NEK7: variants seen among roughly 807,000 people sequenced by gnomAD.
NEK7 encodes serine/threonine-protein kinase Nek7.
A neutral mutation model predicts 44.6 loss-of-function variants in NEK7; 18 were observed. The ratio of observed to expected loss-of-function variants is 0.40; its 90% CI spans 0.28 to 0.60. The LOEUF is 0.60. Ranked by LOEUF, NEK7 falls within the 20% of genes least tolerant of loss-of-function variation. NEK7 has a pLI of 0.38. For missense variants in NEK7, 256 were observed against 366.5 expected (o/e 0.70, Z 2.46); for synonymous variants, 130 against 121.1 (o/e 1.07, Z -0.48).
intron 1 of NEK7, among the ~76,000 whole-genome samples, chr1:198,196,884 A>G (rs1665254362): frequency 6.6e-6 from 1 of 152,186 alleles, no homozygotes; most frequent in Admixed American, 6.5e-5. Flanking sequence ...TGGTCAGTCT[A>G]CAGAGTCTGC....
chr1:198,248,856 G>C (rs72731911), intron 2 of NEK7, among the ~76,000 whole-genome samples: 6,632 of 151,318 alleles, frequency 0.044, 229 homozygotes, highest in Middle Eastern at 0.065. Context: ...TGTGTGTGTG[G>C]GTTCTGCAAT....
At chr1:198,165,041 C>T (rs1254444421) in intron 1 of NEK7, among the ~76,000 whole-genome samples, 1 of 152,216 alleles carries the variant, frequency 6.6e-6, no homozygotes, top group Non-Finnish European at 1.5e-5. Context: ...TTATAAAAAG[C>T]GACTCCTCAT....
At chr1:198,264,007 T>G in intron 4 of NEK7, 118 bp from the exon 5 acceptor site, 1 of 1,023,128 alleles carries the variant, frequency 9.8e-7, no homozygotes, top group Non-Finnish European at 1.3e-6. Context: ...TATACTGTCA[T>G]GTTAAGATTT....
chr1:198,282,659 A>C (rs1654242424), intron 7 of NEK7, among the ~76,000 whole-genome samples: 1 of 152,168 alleles, frequency 6.6e-6, no homozygotes, highest in Non-Finnish European at 1.5e-5. Context: ...TTAACACTGT[A>C]ATGAACTGTA....
intron 3 of NEK7, among the ~76,000 whole-genome samples, chr1:198,259,811 T>A (rs1024623680): frequency 6.6e-6 from 1 of 150,816 alleles, no homozygotes; most frequent in African/African-American, 2.4e-5. Context: ...ACACACACAC[T>A]CACACACACA....
chr1:198,259,365 C>G (rs1478400550), intron 3 of NEK7, among the ~76,000 whole-genome samples: 1 of 152,024 alleles, frequency 6.6e-6, no homozygotes, highest in Non-Finnish European at 1.5e-5. Flanking sequence ...ATATATGTCT[C>G]CAAGTTTGTG....
At position 198,257,359 on chromosome 1, in the gene NEK7, TTAA is replaced by T. The variant is rs1320017899; in HGVS notation, c.198+4183_198+4185del. Among the ~76,000 whole-genome samples the T allele has an allele frequency of 5.3e-5, 8 of 152,318 alleles. No homozygotes were observed. The East Asian group carries it at 1.5e-3, about 29-fold the overall frequency. On this transcript the variant is annotated intron_variant, in intron 3 of 9. Coordinates refer to ENST00000367385, the MANE Select transcript of NEK7 (RefSeq NM_133494.3). The stretch of plus-strand genomic sequence containing the variant: ...CAAGCAAATAACTTTTTAATTTCTA[TTAA>T]TAAGTTACTTTTTATCATCTTAAGT...
At chr1:198,172,066 C>A (rs1664465112) in intron 1 of NEK7, among the ~76,000 whole-genome samples, 2 of 152,180 alleles carry the variant, frequency 1.3e-5, no homozygotes, top group Admixed American at 1.3e-4. Context: ...GTATTCCCAG[C>A]AGCTCTGTGG....
At position 198,253,309 on chromosome 1, in the gene NEK7, G is replaced by C. The variant is rs117690814; in HGVS notation, c.198+129G>C. On this transcript the variant is annotated intron_variant, in intron 3 of 9. Coordinates refer to ENST00000367385, the MANE Select transcript of NEK7 (RefSeq NM_133494.3). Reference sequence around the variant, plus strand: ...AGAATGCTGGGAAAGATTGAACGTTGTATTTTAAAAGCCAGAAACAAGTGT... The same window carrying C: ...AGAATGCTGGGAAAGATTGAACGTTCTATTTTAAAAGCCAGAAACAAGTGT... The C allele has an allele frequency of 5.8e-5, 34 of 589,938 alleles. No individual in the cohort carries two copies. In the African/African-American group the frequency reaches 6.5e-4, roughly 11 times the overall value. 36.5% of individuals were successfully genotyped at this position (589,938 alleles called of 1,614,324 possible).
At chr1:198,310,636 G>T (rs1447865432) in intron 9 of NEK7, among the ~76,000 whole-genome samples, 3 of 151,918 alleles carry the variant, frequency 2.0e-5, no homozygotes, top group Admixed American at 6.6e-5. Flanking sequence ...GTAAGGAAGG[G>T]ATCCAGTTTC....
At chr1:198,312,089 G>A (rs930598475) in intron 9 of NEK7, among the ~76,000 whole-genome samples, 1 of 152,146 alleles carries the variant, frequency 6.6e-6, no homozygotes, top group African/African-American at 2.4e-5. Flanking sequence ...TGGTTGGTAA[G>A]CTATTGATTA....
At chr1:198,233,063 C>T (rs1324953756) in intron 2 of NEK7, among the ~76,000 whole-genome samples, 2 of 148,582 alleles carry the variant, frequency 1.3e-5, no homozygotes, top group East Asian at 4.0e-4. Context: ...AAGCTCTGAG[C>T]GTTAGTATTA....
intron 2 of NEK7, among the ~76,000 whole-genome samples, chr1:198,246,278 T>C (rs1371071363): frequency 6.6e-6 from 1 of 152,098 alleles, no homozygotes; most frequent in Non-Finnish European, 1.5e-5. Flanking sequence ...GCAGCTATGC[T>C]CCTTCTCATG....
intron 1 of NEK7, among the ~76,000 whole-genome samples, chr1:198,185,828 G>T (rs1191048818): frequency 1.3e-5 from 2 of 152,176 alleles, no homozygotes; most frequent in Admixed American, 1.3e-4. Flanking sequence ...ATGGGGCAGA[G>T]AAGGCATTAT....
intron 1 of NEK7, among the ~76,000 whole-genome samples, chr1:198,201,034 A>G (rs1287675883): frequency 1.3e-5 from 2 of 152,106 alleles, no homozygotes; most frequent in East Asian, 3.9e-4. Context: ...GCTTGTTGAG[A>G]TTTATAGGAT....
intron 2 of NEK7, among the ~76,000 whole-genome samples, chr1:198,249,479 A>G (rs1264872098): frequency 6.6e-6 from 1 of 151,978 alleles, no homozygotes; most frequent in African/African-American, 2.4e-5. Context: ...GACTTCCACA[A>G]TGGTTGAACT....
At chr1:198,256,772 G>A (rs1653280943) in intron 3 of NEK7, among the ~76,000 whole-genome samples, 1 of 152,196 alleles carries the variant, frequency 6.6e-6, no homozygotes, top group African/African-American at 2.4e-5. Context: ...AAGAGAACAG[G>A]TGTGAGGAGG....
chr1:198,313,010 CGTT>C (rs1655239939), intron 9 of NEK7, among the ~76,000 whole-genome samples: 1 of 151,828 alleles, frequency 6.6e-6, no homozygotes. Flanking sequence ...CTTTCTGTCT[CGTT>C]GATCTGTCTA....
chr1:198,193,311 A>G (rs1665132549), intron 1 of NEK7, among the ~76,000 whole-genome samples: 1 of 152,118 alleles, frequency 6.6e-6, no homozygotes, highest in African/African-American at 2.4e-5. Flanking sequence ...TGAGGCAGTA[A>G]TATAAATAGC....
Sources: gnomAD v4.1 joint callset for allele counts (sites outside exome capture counted in the v4.1 genomes callset) on GRCh38, gnomAD v4.1.1 for gene constraint, MANE v1.5 for transcripts, NCBI Gene and HGNC (gene_info 2026-07-23, HGNC 2026-07-21) for gene names.